The following RPS27L variants were observed in gnomAD, a reference collection of about 807,000 sequenced individuals.
The protein encoded by RPS27L is ribosomal protein eS27-like.
In RPS27L, 10 loss-of-function variants were observed where a neutral mutation model predicts 12.8. That is an observed-to-expected ratio of 0.78 (90% CI 0.48 to 1.33). RPS27L has a LOEUF of 1.33. Ranked by LOEUF, RPS27L falls within the 40% of genes most tolerant of loss-of-function variation. The probability of loss-of-function intolerance (pLI) is 0.00; values close to 1 mark genes in which losing one functional copy is unlikely to be tolerated. For missense variants in RPS27L, 81 were observed against 97.4 expected, an observed-to-expected ratio of 0.83 and a Z score of 0.71; for synonymous variants, 26 against 32.3, an observed-to-expected ratio of 0.81 and a Z score of 0.66.
In RPS27L at chr15:63,149,015, C is replaced by A. The variant is rs1342551697; in HGVS notation, c.*5017G>T. 2 of 151,976 alleles carry A rather than the reference C, an allele frequency of 1.3e-5. No individual in the cohort carries two copies. The highest frequency in any genetic ancestry group is 4.8e-5 in the African/African-American group (2 of 41,370). 9.4% of individuals were successfully genotyped at this position (151,976 alleles called of 1,614,324 possible). ...CTGGGACTACAGGCGCCCGACACCACGCCCAGCTAATTTTTGTATTTTTAG... is the reference window on the plus strand; with the variant it reads ...CTGGGACTACAGGCGCCCGACACCAAGCCCAGCTAATTTTTGTATTTTTAG... On this transcript the variant is annotated 3_prime_UTR_variant, in exon 4 of 4. Coordinates refer to ENST00000330964, the MANE Select transcript of RPS27L (RefSeq NM_015920.4).
intron 1 of RPS27L, 104 bp from the exon 2 acceptor site, chr15:63,156,625 CG>C (rs2037334363): frequency 1.3e-6 from 1 of 744,334 alleles, no homozygotes; most frequent in Non-Finnish European, 2.3e-6. Context: ...CGGTCATCCT[CG>C]GCAGAAGCAA....
At chr15:63,157,271 C>A in intron 1 of RPS27L, 129 bp downstream of exon 1, 1 of 1,055,644 alleles carries the variant, frequency 9.5e-7, no homozygotes, top group Non-Finnish European at 1.5e-6. Flanking sequence ...CGCGAAGACG[C>A]TGCGCAACCT....
chr15:63,152,873 A>G lies in RPS27L; in HGVS notation c.*1159T>C, dbSNP rs2037309204. The G allele has an allele frequency of 6.6e-6, 1 of 152,188 alleles. No homozygotes were observed. Among genetic ancestry groups the G allele is most frequent in the African/African-American group, 2.4e-5 (1 of 41,436 alleles). 9.4% of individuals were successfully genotyped at this position (152,188 alleles called of 1,614,324 possible). A position where few individuals can be genotyped will look rare whatever the true frequency, so the allele number is the denominator to read the frequency against. On this transcript the variant is annotated 3_prime_UTR_variant, in exon 4 of 4. Transcript: ENST00000330964. Reference sequence around the variant, plus strand: ...GCAACAGTTCTCTGATTTAAGCAGTATGTAAGAGGATCAGTTGCTCACATT... The same window carrying G: ...GCAACAGTTCTCTGATTTAAGCAGTGTGTAAGAGGATCAGTTGCTCACATT...
rs1255321351 is a variant in RPS27L, at chr15:63,153,487, C to A, written c.*545G>T. The A allele has an allele frequency of 6.6e-6, 1 of 152,278 alleles. No homozygotes were observed. Among genetic ancestry groups the A allele is most frequent in the African/African-American group, 2.4e-5 (1 of 41,432 alleles). 9.4% of individuals were successfully genotyped at this position (152,278 alleles called of 1,614,324 possible). A position where few individuals can be genotyped will look rare whatever the true frequency, so the allele number is the denominator to read the frequency against. Reference sequence around the variant, plus strand: ...AATTCACAAATAATAGACTTTACATCTGTAATCCTTTAATCCCATTCATAG... The same window carrying A: ...AATTCACAAATAATAGACTTTACATATGTAATCCTTTAATCCCATTCATAG... On this transcript the variant is annotated 3_prime_UTR_variant, in exon 4 of 4. Coordinates refer to ENST00000330964, the MANE Select transcript of RPS27L (RefSeq NM_015920.4).
rs774911224 is a variant in RPS27L, at chr15:63,156,455, C to T, written c.73G>A (p.Val25Ile). ...EKKKHKKKRL[V>I]QSPNSYFMDV... ...ATAAAGTAAGAATTTGGACTTTGTA[C>T]TAGGCGTTTCTTTTTATGTTTTTTC... The change falls in exon 2 of 4, where the codon GTA becomes ATA. Residue 25 changes from valine to isoleucine, a missense_variant. Transcript: ENST00000330964. The T allele has an allele frequency of 6.2e-7, 1 of 1,604,712 alleles. No homozygotes were observed. The highest frequency in any genetic ancestry group is 1.1e-5 in the South Asian group (1 of 88,994).
rs747113689 is a variant in RPS27L, at chr15:63,155,506, A to G, written c.226+115T>C. On this transcript the variant is annotated intron_variant, in intron 3 of 3. Coordinates refer to ENST00000330964, the MANE Select transcript of RPS27L (RefSeq NM_015920.4). The stretch of plus-strand genomic sequence containing the variant: ...GGCCATTCTTTACTGAAAGCACACA[A>G]TGAAAGATAAGTTATTTTGGTAATC... The G allele has an allele frequency of 1.8e-5, 12 of 662,736 alleles. No homozygotes were observed. The Admixed American group carries it at 2.6e-4, about 14-fold the overall frequency. The allele number at this position is 662,736 out of a possible 1,614,324, so 41.1% of individuals were successfully genotyped here.
rs1261185020 is a variant in RPS27L, at chr15:63,148,900, C to T, written c.*5132G>A. 1.3e-5 allele frequency: 2 copies of T among 148,466 alleles called. No individual in the cohort carries two copies. The highest frequency in any genetic ancestry group is 3.0e-5 in the Non-Finnish European group (2 of 67,732). The allele number at this position is 148,466 out of a possible 1,614,324, so 9.2% of individuals were successfully genotyped here. ...TTCTGAGACAGTCTTGCTCTGTCGC[C>T]CAGGCTGGAGTGCAGTGGTACGATC... On this transcript the variant is annotated 3_prime_UTR_variant, in exon 4 of 4. Coordinates refer to ENST00000330964, the MANE Select transcript of RPS27L (RefSeq NM_015920.4).
At chr15:63,155,447 C>T in intron 3 of RPS27L, 174 bp downstream of exon 3, 2 of 442,038 alleles carry the variant, frequency 4.5e-6, no homozygotes. Flanking sequence ...GAGTTCACTG[C>T]AAGGTCAAGA....
chr15:63,157,300 C>A (rs538437249), intron 1 of RPS27L, 100 bp downstream of exon 1: 2 of 1,344,402 alleles, frequency 1.5e-6, no homozygotes, highest in African/African-American at 2.9e-5. Context: ...TCGCCACTCT[C>A]GGACACTACA....
rs2037280393 is a variant in RPS27L, at chr15:63,148,758, G to C, written c.*5274C>G. On this transcript the variant is annotated 3_prime_UTR_variant, in exon 4 of 4. Transcript: ENST00000330964. The stretch of plus-strand genomic sequence containing the variant: ...AGAATCAGTAGGACACAAATCAGCA[G>C]AGAAAATTTGCAATTCTGGCATCTC... The C allele has an allele frequency of 6.6e-6, 1 of 151,818 alleles. No homozygotes were observed. Among genetic ancestry groups the C allele is most frequent in the Non-Finnish European group, 1.5e-5 (1 of 68,004 alleles). The allele number at this position is 151,818 out of a possible 1,614,324, so 9.4% of individuals were successfully genotyped here.
intron 3 of RPS27L, 195 bp downstream of exon 3, chr15:63,155,426 A>G (rs1273211185): frequency 1.9e-5 from 8 of 417,344 alleles, no homozygotes; most frequent in African/African-American, 4.1e-5. Context: ...ACTAAGAAAA[A>G]TAAGTCAATG....
Position 63,150,426 on chromosome 15 carries a change from G to T in RPS27L, c.*3606C>A, listed in dbSNP as rs1443020346. 1.3e-5 allele frequency: 2 copies of T among 152,192 alleles called. No individual in the cohort carries two copies. Among genetic ancestry groups the T allele is most frequent in the Non-Finnish European group, 2.9e-5 (2 of 68,024 alleles). 9.4% of individuals were successfully genotyped at this position (152,192 alleles called of 1,614,324 possible). A position where few individuals can be genotyped will look rare whatever the true frequency, so the allele number is the denominator to read the frequency against. On this transcript the variant is annotated 3_prime_UTR_variant, in exon 4 of 4. Transcript: ENST00000330964. ...AGGTGATGAAAATGGTCTGGGATTA[G>T]ACAGTAGTAATGGTTGCACAACCTT...
Position 63,155,727 on chromosome 15 carries a change from G to T in RPS27L, c.120C>A (p.Cys40Ter). 6.9e-7 allele frequency: 1 copy of T among 1,457,042 alleles called. No individual in the cohort carries two copies. The allele number at this position is 1,457,042 out of a possible 1,614,324, so 90.3% of individuals were successfully genotyped here. ...GGCTGAAAACCGTGGTGATCTTGTAGCAACCTAAAAAAAAAAAAAGGCAAT... is the reference window on the plus strand; with the variant it reads ...GGCTGAAAACCGTGGTGATCTTGTATCAACCTAAAAAAAAAAAAAGGCAAT... ...SYFMDVKCPG[C>*]YKITTVFSHA... Residue 40 changes from cysteine to a stop codon, truncating the protein, a stop_gained, in exon 3 of 4, where the codon TGC becomes TGA. Coordinates refer to ENST00000330964, the MANE Select transcript of RPS27L (RefSeq NM_015920.4). LOFTEE classifies it high-confidence loss of function.
In RPS27L at chr15:63,151,109, T is replaced by C. The variant is rs1341469191; in HGVS notation, c.*2923A>G. 1 of 152,230 alleles carries C rather than the reference T, an allele frequency of 6.6e-6. No individual in the cohort carries two copies. Among genetic ancestry groups the C allele is most frequent in the Admixed American group, 6.5e-5 (1 of 15,284 alleles). The allele number at this position is 152,230 out of a possible 1,614,324, so 9.4% of individuals were successfully genotyped here. A position where few individuals can be genotyped will look rare whatever the true frequency, so the allele number is the denominator to read the frequency against. On this transcript the variant is annotated 3_prime_UTR_variant, in exon 4 of 4. Transcript: ENST00000330964. ...TTCAGTATATAATAATGTATGTGGCTGACCCTGAAGTTTGGGAAAGTCCTG... is the reference window on the plus strand; with the variant it reads ...TTCAGTATATAATAATGTATGTGGCCGACCCTGAAGTTTGGGAAAGTCCTG...
rs2037308025 is a variant in RPS27L at position 63,152,656 on chromosome 15, C to T, written c.*1376G>A. On this transcript the variant is annotated 3_prime_UTR_variant, in exon 4 of 4. Transcript: ENST00000330964. ...GATTACAGGCATGCACCACCACGCCCAGCTAATTTTGCATTTTTAGTAGAG... is the reference window on the plus strand; with the variant it reads ...GATTACAGGCATGCACCACCACGCCTAGCTAATTTTGCATTTTTAGTAGAG... The T allele has an allele frequency of 6.8e-6, 1 of 147,344 alleles. No individual in the cohort carries two copies. The highest frequency in any genetic ancestry group is 1.5e-5 in the Non-Finnish European group (1 of 67,560). 9.1% of individuals were successfully genotyped at this position (147,344 alleles called of 1,614,324 possible).
rs1254886663 is a variant in RPS27L at position 63,151,422 on chromosome 15, C to CG, written c.*2609dup. On this transcript the variant is annotated 3_prime_UTR_variant, in exon 4 of 4. Coordinates refer to ENST00000330964, the MANE Select transcript of RPS27L (RefSeq NM_015920.4). ...CTAATTTTTGTATGTTTAGTAGAGA[C>CG]GGGGTTTCACTGTGTTGGCCAGGCT... 6.6e-6 allele frequency: 1 copy of CG among 151,960 alleles called. No individual in the cohort carries two copies. Among genetic ancestry groups the CG allele is most frequent in the East Asian group, 1.9e-4 (1 of 5,176 alleles). The allele number at this position is 151,960 out of a possible 1,614,324, so 9.4% of individuals were successfully genotyped here. A position where few individuals can be genotyped will look rare whatever the true frequency, so the allele number is the denominator to read the frequency against.
intron 1 of RPS27L, 56 bp downstream of exon 1, chr15:63,157,344 A>G: frequency 6.2e-7 from 1 of 1,603,640 alleles, no homozygotes; most frequent in South Asian, 1.1e-5. Context: ...TCCGTCCCAT[A>G]TGACTCTCGG....
At position 63,156,498 on chromosome 15, in the gene RPS27L, C is replaced by T. The variant is rs1249646332; in HGVS notation, c.30G>A (p.Pro10=). 6.2e-6 allele frequency: 10 copies of T among 1,606,064 alleles called. No individual in the cohort carries two copies. The highest frequency in any genetic ancestry group is 8.5e-6 in the Non-Finnish European group (10 of 1,174,792). Residue 10 remains proline (P), a synonymous_variant, in exon 2 of 4, where the codon CCG becomes CCA. Coordinates refer to ENST00000330964, the MANE Select transcript of RPS27L (RefSeq NM_015920.4). Reference sequence around the variant, plus strand: ...GTTTTTTCTTTTCCTCTTCCAAGGACGGATGTAGTAAATCTCTAGCCAACT... The same window carrying T: ...GTTTTTTCTTTTCCTCTTCCAAGGATGGATGTAGTAAATCTCTAGCCAACT... The part of the protein sequence containing the change: MPLARDLLH[P]SLEEEKKKHK...
At chr15:63,156,585 C>T (rs969891082) in intron 1 of RPS27L, 64 bp from the exon 2 acceptor site, 12 of 960,274 alleles carry the variant, frequency 1.2e-5, no homozygotes, top group Non-Finnish European at 1.7e-5. Context: ...TTTAACCATA[C>T]GTGAAATATA....
Sources: gnomAD v4.1 joint callset for allele counts on GRCh38, gnomAD v4.1.1 for gene constraint, MANE v1.5 for transcripts, NCBI Gene and HGNC (gene_info 2026-07-23, HGNC 2026-07-21) for gene names.